Variants in PDS5B observed in about 807,000 individuals in gnomAD.
PDS5B encodes sister chromatid cohesion protein PDS5 homolog B.
PDS5B carries 51 observed loss-of-function variants against 184.1 expected under a neutral mutation model. That is an observed-to-expected ratio of 0.28 (90% CI 0.22 to 0.35). The LOEUF is 0.35. PDS5B is among the 10% of genes least tolerant of loss of function. The probability of loss-of-function intolerance (pLI) is 1.00; values close to 1 mark genes in which losing one functional copy is unlikely to be tolerated. For missense variants in PDS5B, 1,180 were observed against 1,723.3 expected, an observed-to-expected ratio of 0.68 and a Z score of 5.58; for synonymous variants, 566 against 569.2, an observed-to-expected ratio of 0.99 and a Z score of 0.08.
intron 1 of PDS5B, among the ~76,000 whole-genome samples, chr13:32,623,726 A>T (rs1490934175): frequency 1.3e-5 from 2 of 148,490 alleles, no homozygotes; most frequent in South Asian, 4.3e-4. Flanking sequence ...TTTAGTTTTA[A>T]AAAAAGTTTA....
At chr13:32,593,412 C>T (rs1251425530) in intron 1 of PDS5B, among the ~76,000 whole-genome samples, 2 of 152,214 alleles carry the variant, frequency 1.3e-5, no homozygotes, top group African/African-American at 4.8e-5. Context: ...ACGATCTCGG[C>T]TCACTGCAAC....
In PDS5B at chr13:32,758,068, TC is replaced by T; in HGVS notation, c.3057-17del. 3.4e-6 allele frequency: 4 copies of T among 1,181,280 alleles called. No individual in the cohort carries two copies. Among genetic ancestry groups the T allele is most frequent in the Non-Finnish European group, 2.3e-6 (2 of 867,984 alleles). The allele number at this position is 1,181,280 out of a possible 1,614,324, so 73.2% of individuals were successfully genotyped here. A position where few individuals can be genotyped will look rare whatever the true frequency, so the allele number is the denominator to read the frequency against. ...ATGATTTTCTTCTATATTTCTTTTT[TC>T]CTTTTTTTTTTTTTTAGATGTCTTT... On this transcript the variant is annotated intron_variant, in intron 26 of 34. Coordinates refer to ENST00000315596, the MANE Select transcript of PDS5B (RefSeq NM_015032.4).
At position 32,770,193 on chromosome 13, in the gene PDS5B, G is replaced by A. The variant is rs775651934; in HGVS notation, c.3697G>A (p.Asp1233Asn). 5.0e-6 allele frequency: 8 copies of A among 1,613,930 alleles called. No individual in the cohort carries two copies. In the East Asian group the frequency reaches 1.8e-4, roughly 36 times the overall value. ...ACAGGAGGAGAAATTAGGTATGGATGACTTGACTAAGTTGGTACAGGAACA... is the reference window on the plus strand; with the variant it reads ...ACAGGAGGAGAAATTAGGTATGGATAACTTGACTAAGTTGGTACAGGAACA... ...TEQEEKLGMD[D>N]LTKLVQEQKP... Residue 1233 changes from aspartate (D) to asparagine (N), a missense_variant, in exon 32 of 35, where the codon GAC (aspartate) becomes AAC (asparagine). Physicochemically the swap from Asp to Asn is conservative, Grantham distance 23. Around this residue, in one of 11 missense-constraint regions of PDS5B, gnomAD observed 465 missense variants for 497.8 expected, o/e 0.93. Coordinates refer to ENST00000315596, the MANE Select transcript of PDS5B (RefSeq NM_015032.4).
chr13:32,601,562 G>A (rs146842136), intron 1 of PDS5B, among the ~76,000 whole-genome samples: 4 of 152,328 alleles, frequency 2.6e-5, no homozygotes, highest in South Asian at 2.1e-4. Flanking sequence ...GGTACCAGGT[G>A]ATACTGGAAG....
At chr13:32,607,015 G>T (rs1026291882) in intron 1 of PDS5B, among the ~76,000 whole-genome samples, 25 of 151,872 alleles carry the variant, frequency 1.6e-4, no homozygotes, top group Non-Finnish European at 1.3e-4. Context: ...TGAACATCCG[G>T]AGAAGTTTGT....
Position 32,694,208 on chromosome 13 carries a change from G to A in PDS5B, c.1470-15G>A. The stretch of plus-strand genomic sequence containing the variant: ...TCTGTTTTGTTATTTAAATGTGTAT[G>A]TTTGTGTTTTTCAGAGCATTGAATG... On this transcript the variant is annotated splice_polypyrimidine_tract_variant and intron_variant, in intron 13 of 34. Coordinates refer to ENST00000315596, the MANE Select transcript of PDS5B (RefSeq NM_015032.4). 6.5e-7 allele frequency: 1 copy of A among 1,538,070 alleles called. No homozygotes were observed. Among genetic ancestry groups the A allele is most frequent in the Non-Finnish European group, 9.0e-7 (1 of 1,115,894 alleles).
chr13:32,752,119 T>A (rs538260453), intron 24 of PDS5B, among the ~76,000 whole-genome samples: 1 of 151,722 alleles, frequency 6.6e-6, no homozygotes, highest in African/African-American at 2.4e-5. Flanking sequence ...TTTGAACTTT[T>A]CCCTGTGCAG....
intron 19 of PDS5B, among the ~76,000 whole-genome samples, chr13:32,721,297 GCCGGGCGGGGGAACCCCCCAC>G (rs1952676341): frequency 1.3e-5 from 2 of 151,436 alleles, no homozygotes; most frequent in African/African-American, 4.9e-5. Context: ...CGGGGTGGCT[GCCGGGCGGGGGAACCCCCCAC>G]CTCCCAGACG....
At chr13:32,707,851 A>T (rs1952075639) in intron 18 of PDS5B, among the ~76,000 whole-genome samples, 1 of 151,538 alleles carries the variant, frequency 6.6e-6, no homozygotes, top group African/African-American at 2.4e-5. Context: ...ATACTATCCT[A>T]CCGAGGTAGG....
chr13:32,753,262 A>G, intron 24 of PDS5B, 70 bp from the exon 25 acceptor site: 2 of 1,315,470 alleles, frequency 1.5e-6, no homozygotes, highest in Non-Finnish European at 2.2e-6. Context: ...TAAAATAGCA[A>G]ATTTTATATC....
intron 19 of PDS5B, 141 bp downstream of exon 19, chr13:32,710,247 C>G: frequency 1.9e-6 from 1 of 522,420 alleles, no homozygotes; most frequent in African/African-American, 1.9e-5. Context: ...AGTTTAGATT[C>G]TCCTTTCCTG....
chr13:32,744,870 A>C (rs1472235703), intron 23 of PDS5B, among the ~76,000 whole-genome samples: 1 of 152,112 alleles, frequency 6.6e-6, no homozygotes, highest in Non-Finnish European at 1.5e-5. Context: ...TTTTATTTTA[A>C]ATACCCCGCA....
intron 1 of PDS5B, among the ~76,000 whole-genome samples, chr13:32,589,400 C>G (rs138776641): frequency 6.6e-6 from 1 of 152,044 alleles, no homozygotes; most frequent in South Asian, 2.1e-4. Flanking sequence ...TGTGGTTAGC[C>G]GTCTGTTTCA....
At chr13:32,648,281 G>C (rs1950278121) in intron 1 of PDS5B, among the ~76,000 whole-genome samples, 1 of 152,148 alleles carries the variant, frequency 6.6e-6, no homozygotes, top group South Asian at 2.1e-4. Context: ...GATATGTTCA[G>C]ATTTACTTCT....
intron 1 of PDS5B, among the ~76,000 whole-genome samples, chr13:32,586,992 C>T (rs1397763994): frequency 7.0e-6 from 1 of 141,924 alleles, no homozygotes; most frequent in African/African-American, 2.6e-5. Flanking sequence ...CGCGCCCTCC[C>T]GCCGCCGCCG....
intron 19 of PDS5B, among the ~76,000 whole-genome samples, chr13:32,715,774 T>C (rs1040647625): frequency 6.6e-6 from 1 of 152,248 alleles, no homozygotes; most frequent in East Asian, 1.9e-4. Flanking sequence ...TTCTCCTGCC[T>C]CAGCCTGCCG....
At chr13:32,617,047 CAT>C (rs1390792603) in intron 1 of PDS5B, among the ~76,000 whole-genome samples, 2 of 152,116 alleles carry the variant, frequency 1.3e-5, no homozygotes, top group African/African-American at 2.4e-5. Context: ...GTAGAGAACT[CAT>C]ATGCAAAAGA....
At chr13:32,664,879 G>A (rs1202539219) in intron 6 of PDS5B, among the ~76,000 whole-genome samples, 1 of 151,926 alleles carries the variant, frequency 6.6e-6, no homozygotes, top group Admixed American at 6.6e-5. Flanking sequence ...AAAAAAGAAA[G>A]TGATAGCATG....
chr13:32,722,733 G>A (rs1952761239), intron 19 of PDS5B, among the ~76,000 whole-genome samples: 2 of 152,222 alleles, frequency 1.3e-5, no homozygotes, highest in Non-Finnish European at 2.9e-5. Context: ...ACAAATTGGT[G>A]GAAGCAGCTA....
Sources: gnomAD v4.1 joint callset for allele counts (sites outside exome capture counted in the v4.1 genomes callset) on GRCh38, gnomAD v4.1.1 for gene constraint, gnomAD v4.1.1 regional missense constraint, MANE v1.5 for transcripts, NCBI Gene and HGNC (gene_info 2026-07-23, HGNC 2026-07-21) for gene names.